The following SH3RF3 variants were observed in gnomAD, a reference collection of about 807,000 sequenced individuals.
The protein encoded by SH3RF3 is E3 ubiquitin-protein ligase SH3RF3.
Under a neutral mutation model 66.3 loss-of-function variants are expected in SH3RF3, and 29 were observed. The observed-to-expected ratio is 0.44, with a 90% CI of 0.33 to 0.60. The LOEUF (loss-of-function observed/expected upper bound fraction) is 0.60. Among genes scored for constraint, SH3RF3 ranks in the 20% least tolerant of loss-of-function variants. SH3RF3 has a pLI of 0.04. For synonymous variants in SH3RF3, 583 were observed against 532.0 expected (o/e 1.10, Z -1.32); for missense variants, 1,194 against 1,190.9 (o/e 1.00, Z -0.04).
At chr2:109,246,972 C>T (rs1027866234) in intron 1 of SH3RF3, among the ~76,000 whole-genome samples, 1 of 152,250 alleles carries the variant, frequency 6.6e-6, no homozygotes, top group Non-Finnish European at 1.5e-5. Context: ...GAGGAGGACT[C>T]ATGGTGGAGG....
chr2:109,387,809 T>C (rs558608915), intron 3 of SH3RF3, among the ~76,000 whole-genome samples: 1 of 152,278 alleles, frequency 6.6e-6, no homozygotes, highest in Admixed American at 6.5e-5. Flanking sequence ...TGGCCTGCAG[T>C]AGGTGCCCAA....
intron 8 of SH3RF3, among the ~76,000 whole-genome samples, chr2:109,462,305 C>G (rs997811841): frequency 4.0e-5 from 6 of 151,834 alleles, no homozygotes. Context: ...TGAAAGCAAA[C>G]TGCTTCAGTC....
At chr2:109,282,355 A>C (rs1431957588) in intron 1 of SH3RF3, among the ~76,000 whole-genome samples, 1 of 152,152 alleles carries the variant, frequency 6.6e-6, no homozygotes, top group Non-Finnish European at 1.5e-5. Flanking sequence ...AATCTACCCC[A>C]GGGGAAAAGT....
chr2:109,221,983 A>T (rs1207210117), intron 1 of SH3RF3, among the ~76,000 whole-genome samples: 1 of 124,974 alleles, frequency 8.0e-6, no homozygotes, highest in Non-Finnish European at 1.6e-5. Flanking sequence ...GAATGGATTA[A>T]AAAAAAAAAA....
intron 1 of SH3RF3, among the ~76,000 whole-genome samples, chr2:109,237,151 A>G (rs1679668902): frequency 6.6e-6 from 1 of 152,254 alleles, no homozygotes; most frequent in African/African-American, 2.4e-5. Context: ...AATAGATTTT[A>G]AAGAGTTAAT....
chr2:109,186,473 G>A (rs1244866795), intron 1 of SH3RF3, among the ~76,000 whole-genome samples: 1 of 152,244 alleles, frequency 6.6e-6, no homozygotes, highest in African/African-American at 2.4e-5. Context: ...ACCCGTGGGA[G>A]TTCAAGGTGT....
At position 109,449,364 on chromosome 2, in the gene SH3RF3, A is replaced by G; in HGVS notation, c.2023A>G (p.Ile675Val). Residue 675 changes from isoleucine (I) to valine (V), a missense_variant, in exon 8 of 10, where the codon ATC becomes GTC. Ile to Val is a conservative substitution (Grantham distance 29). Coordinates refer to ENST00000309415, the MANE Select transcript of SH3RF3 (RefSeq NM_001099289.3). ...CCCCCTCACATCAGCAGCATCAGCC[A>G]TCACACCTCCCAACGTCAGTGCCGC... ...AIPLTSAASA[I>V]TPPNVSAANL... 1.2e-6 allele frequency: 2 copies of G among 1,609,746 alleles called. No individual in the cohort carries two copies. The highest frequency in any genetic ancestry group is 1.7e-6 in the Non-Finnish European group (2 of 1,177,700).
chr2:109,264,558 T>A lies in SH3RF3; in HGVS notation c.574-83116T>A, dbSNP rs578072285. On this transcript the variant is annotated intron_variant, in intron 1 of 9. Transcript: ENST00000309415. Reference sequence around the variant, plus strand: ...AGTCTCAGGGCCAAAGCCAGGCTTTTTGTAAGATCTCAAGGCACGATTTAA... The same window carrying A: ...AGTCTCAGGGCCAAAGCCAGGCTTTATGTAAGATCTCAAGGCACGATTTAA... Among the ~76,000 whole-genome samples, 109 of 152,370 alleles carry A rather than the reference T, an allele frequency of 7.2e-4. 1 individual carries two copies. The highest frequency in any genetic ancestry group is 2.5e-3 in the African/African-American group (103 of 41,598).
intron 1 of SH3RF3, among the ~76,000 whole-genome samples, chr2:109,319,988 T>TG (rs1681983525): frequency 6.6e-6 from 1 of 151,524 alleles, no homozygotes; most frequent in South Asian, 2.1e-4. Context: ...TGATGGAGAG[T>TG]GGGGGGTGCT....
At chr2:109,349,650 G>T (rs1396218027) in intron 2 of SH3RF3, among the ~76,000 whole-genome samples, 1 of 152,242 alleles carries the variant, frequency 6.6e-6, no homozygotes, top group Non-Finnish European at 1.5e-5. Context: ...GGCTTGGCGG[G>T]CTCCAGGCTG....
At chr2:109,292,228 T>G (rs1306292782) in intron 1 of SH3RF3, among the ~76,000 whole-genome samples, 1 of 152,246 alleles carries the variant, frequency 6.6e-6, no homozygotes, top group Non-Finnish European at 1.5e-5. Context: ...ACAGAAAATT[T>G]GTAATGTATA....
chr2:109,150,124 A>G (rs1677196501), intron 1 of SH3RF3, among the ~76,000 whole-genome samples: 1 of 152,308 alleles, frequency 6.6e-6, no homozygotes, highest in East Asian at 1.9e-4. Context: ...AAGGCCAACA[A>G]AAGGTGGTGT....
intron 1 of SH3RF3, among the ~76,000 whole-genome samples, chr2:109,232,129 C>T (rs558328833): frequency 1.3e-5 from 2 of 152,324 alleles, no homozygotes; most frequent in East Asian, 1.9e-4. Context: ...TCTTAAGTTA[C>T]GTTTCTCTTG....
At chr2:109,295,139 C>T (rs775137686) in intron 1 of SH3RF3, among the ~76,000 whole-genome samples, 3 of 152,208 alleles carry the variant, frequency 2.0e-5, no homozygotes, top group South Asian at 2.1e-4. Flanking sequence ...TGGTGTGGTA[C>T]GGAGCACCCA....
chr2:109,178,140 C>G (rs144521772), intron 1 of SH3RF3, among the ~76,000 whole-genome samples: 399 of 152,308 alleles, frequency 2.6e-3, no homozygotes, highest in Non-Finnish European at 2.8e-3. Flanking sequence ...ATACAACAAA[C>G]CTACCCTTTC....
At chr2:109,314,958 CCA>C (rs1681836669) in intron 1 of SH3RF3, among the ~76,000 whole-genome samples, 1 of 152,126 alleles carries the variant, frequency 6.6e-6, no homozygotes, top group East Asian at 1.9e-4. Flanking sequence ...TTGGCAAAGC[CCA>C]CAGTTTGAGA....
At chr2:109,480,872 G>A (rs1389943116) in intron 8 of SH3RF3, among the ~76,000 whole-genome samples, 2 of 152,174 alleles carry the variant, frequency 1.3e-5, no homozygotes, top group Non-Finnish European at 2.9e-5. Flanking sequence ...TGGGGCATCT[G>A]TGGATGGTTT....
intron 9 of SH3RF3, among the ~76,000 whole-genome samples, chr2:109,500,427 C>T (rs995868059): frequency 1.3e-5 from 2 of 152,088 alleles, no homozygotes; most frequent in Non-Finnish European, 1.5e-5. Context: ...CAGGCGGAGG[C>T]CATGCAGGGA....
At chr2:109,193,735 A>G (rs562850157) in intron 1 of SH3RF3, among the ~76,000 whole-genome samples, 1 of 152,284 alleles carries the variant, frequency 6.6e-6, no homozygotes, top group South Asian at 2.1e-4. Context: ...ACCCCAAATC[A>G]TTATTTTTCT....
Sources: allele counts gnomAD v4.1 joint callset (sites outside exome capture counted in the v4.1 genomes callset), GRCh38; gene constraint gnomAD v4.1.1; transcripts MANE v1.5; gene names NCBI Gene and HGNC (gene_info 2026-07-23, HGNC 2026-07-21).